Variants in NECTIN1 observed in about 807,000 individuals in gnomAD.
NECTIN1 encodes nectin cell adhesion molecule 1.
In NECTIN1, 23 loss-of-function variants were observed where a neutral mutation model predicts 48.0. The observed-to-expected ratio is 0.48, with a 90% CI of 0.34 to 0.68. NECTIN1 has a LOEUF of 0.68. Among genes scored for constraint, NECTIN1 ranks in the 30% least tolerant of loss-of-function variants. The pLI is 0.01. For missense variants in NECTIN1, 591 were observed against 709.9 expected (o/e 0.83, Z 1.90); for synonymous variants, 270 against 288.9 (o/e 0.93, Z 0.66).
chr11:119,698,892 G>A (rs1865387872), intron 1 of NECTIN1, among the ~76,000 whole-genome samples: 4 of 152,138 alleles, frequency 2.6e-5, no homozygotes, highest in South Asian at 4.1e-4. Flanking sequence ...ATCCCAAAGT[G>A]GGCTCCAGGC....
chr11:119,677,488 G>C lies in NECTIN1; in HGVS notation c.733+67C>G. On this transcript the variant is annotated intron_variant, in intron 3 of 5. Coordinates refer to ENST00000264025, the MANE Select transcript of NECTIN1 (RefSeq NM_002855.5). The surrounding 1 kb of genome is among the most constrained non-coding windows in gnomAD (Gnocchi z 5.4). ...CCAGAAAGAGAAAGGGAGGAGAAAG[G>C]AGAGGAGGAGGGAGGAGGGACAGTG... The C allele has an allele frequency of 1.3e-6, 2 of 1,535,222 alleles. No homozygotes were observed.
Position 119,678,341 on chromosome 11 carries a change from G to C in NECTIN1, c.430+74C>G, listed in dbSNP as rs1471687133. Reference sequence around the variant, plus strand: ...CAAGGGGGATGTCTGGGGTCATTGAGGCATCCTGAGGATGGCCACGCCCCG... The same window carrying C: ...CAAGGGGGATGTCTGGGGTCATTGACGCATCCTGAGGATGGCCACGCCCCG... On this transcript the variant is annotated intron_variant, in intron 2 of 5. Transcript: ENST00000264025. The surrounding 1 kb of genome is among the most constrained non-coding windows in gnomAD (Gnocchi z 4.4). 40 of 1,354,352 alleles carry C rather than the reference G, an allele frequency of 3.0e-5. 1 individual carries two copies. The South Asian group carries it at 3.3e-4, about 11-fold the overall frequency. The allele number at this position is 1,354,352 out of a possible 1,614,324, so 83.9% of individuals were successfully genotyped here. A position where few individuals can be genotyped will look rare whatever the true frequency, so the allele number is the denominator to read the frequency against.
chr11:119,641,180 C>A (rs771504344), intron 5 of NECTIN1: 1 of 152,226 alleles, frequency 6.6e-6, no homozygotes, highest in Non-Finnish European at 1.5e-5. Context: ...GCCCCAGCAT[C>A]CATCCATCCA....
At position 119,677,889 on chromosome 11, in the gene NECTIN1, G is replaced by A; in HGVS notation, c.431-32C>T. 1 of 1,606,444 alleles carries A rather than the reference G, an allele frequency of 6.2e-7. No individual in the cohort carries two copies. Among genetic ancestry groups the A allele is most frequent in the South Asian group, 1.1e-5 (1 of 90,888 alleles). On this transcript the variant is annotated intron_variant, in intron 2 of 5. Transcript: ENST00000264025. The surrounding 1 kb of genome is among the most constrained non-coding windows in gnomAD (Gnocchi z 5.4). ...GGAAGCAGAGAGAGTGATGGGACTA[G>A]CCCTGTTGACTTGTCCAAGATGCAC...
chr11:119,725,579 T>C (rs139829872), intron 1 of NECTIN1, among the ~76,000 whole-genome samples: 6 of 152,312 alleles, frequency 3.9e-5, no homozygotes, highest in African/African-American at 1.4e-4. Context: ...TTTGCCATAA[T>C]GCCTTGCCCA....
chr11:119,717,840 A>T (rs764954225), intron 1 of NECTIN1, among the ~76,000 whole-genome samples: 5 of 152,158 alleles, frequency 3.3e-5, no homozygotes, highest in Non-Finnish European at 7.4e-5. Context: ...TCCGGCTTGG[A>T]TGGGAGTCAG....
At position 119,673,679 on chromosome 11, in the gene NECTIN1, G is replaced by T. The variant is rs1217057346; in HGVS notation, c.1003+1480C>A. On this transcript the variant is annotated intron_variant, in intron 5 of 5. Transcript: ENST00000264025. The surrounding 1 kb of genome is among the most constrained non-coding windows in gnomAD (Gnocchi z 5.8). ...CAGTGCCTCCCTGAGGGGTGGTCAT[G>T]TTCCCTATGGCCACTCCACATGGAA... 6.6e-6 allele frequency among the ~76,000 whole-genome samples: 1 copy of T among 152,158 alleles called. No homozygotes were observed. The highest frequency in any genetic ancestry group is 1.5e-5 in the Non-Finnish European group (1 of 68,022).
At chr11:119,692,905 A>G (rs1591470133) in intron 1 of NECTIN1, among the ~76,000 whole-genome samples, 1 of 152,118 alleles carries the variant, frequency 6.6e-6, no homozygotes, top group Non-Finnish European at 1.5e-5. Context: ...TCTGAACCAG[A>G]CCTGGGTGAG....
At chr11:119,695,097 TC>T (rs777547340) in intron 1 of NECTIN1, among the ~76,000 whole-genome samples, 11 of 152,110 alleles carry the variant, frequency 7.2e-5, no homozygotes, top group Admixed American at 4.6e-4. Flanking sequence ...GTAATCCGTC[TC>T]CCCAGTATGC....
chr11:119,649,302 A>C (rs1028759813), intron 5 of NECTIN1, among the ~76,000 whole-genome samples: 6 of 151,606 alleles, frequency 4.0e-5, no homozygotes, highest in African/African-American at 1.5e-4. Context: ...AATCACTTGA[A>C]CCCAGGAGGC....
Position 119,675,310 on chromosome 11 carries a change from C to T in NECTIN1, c.852G>A (p.Thr284=). 6.2e-7 allele frequency: 1 copy of T among 1,614,110 alleles called. No homozygotes were observed. ...CACCCTTGGGGAGAGAGCCATTTAG[C>T]CTGTGGGAAGTGGGAGACACAGCGT... ...NPPATEYHWT[T]LNGSLPKGVE... Residue 284 remains threonine (T), a splice_region_variant and synonymous_variant, in exon 5 of 6, where the codon ACG becomes ACA. Coordinates refer to ENST00000264025, the MANE Select transcript of NECTIN1 (RefSeq NM_002855.5).
Position 119,673,506 on chromosome 11 carries a change from G to A in NECTIN1, c.1003+1653C>T, listed in dbSNP as rs910191583. ...ACCACGCAGGGAGTACTGCATGATC[G>A]TAAGAAGCCTGAGACAAGTGTGAGT... On this transcript the variant is annotated intron_variant, in intron 5 of 5. Coordinates refer to ENST00000264025, the MANE Select transcript of NECTIN1 (RefSeq NM_002855.5). This position sits in a 1 kb window ranked among gnomAD's most constrained non-coding sequence, Gnocchi z 5.8. Among the ~76,000 whole-genome samples, 1 of 152,154 alleles carries A rather than the reference G, an allele frequency of 6.6e-6. No homozygotes were observed. The highest frequency in any genetic ancestry group is 1.5e-5 in the Non-Finnish European group (1 of 68,020).
intron 1 of NECTIN1, among the ~76,000 whole-genome samples, chr11:119,686,789 C>T (rs1210676794): frequency 6.6e-6 from 1 of 152,216 alleles, no homozygotes; most frequent in East Asian, 1.9e-4. Flanking sequence ...CTCCTCTTCC[C>T]ACCTTCATGG....
chr11:119,681,696 G>T (rs1274227335), intron 1 of NECTIN1, among the ~76,000 whole-genome samples: 1 of 152,182 alleles, frequency 6.6e-6, no homozygotes, highest in East Asian at 1.9e-4. Flanking sequence ...TTGGGGTGGA[G>T]GTTGCTCTTT....
chr11:119,650,583 C>G (rs1864476253), intron 5 of NECTIN1, among the ~76,000 whole-genome samples: 1 of 152,186 alleles, frequency 6.6e-6, no homozygotes, highest in Non-Finnish European at 1.5e-5. Flanking sequence ...TTCCCTGATG[C>G]CAGGGCATAT....
At chr11:119,711,245 C>T (rs1865639873) in intron 1 of NECTIN1, among the ~76,000 whole-genome samples, 1 of 152,126 alleles carries the variant, frequency 6.6e-6, no homozygotes, top group African/African-American at 2.4e-5. Flanking sequence ...CAAAAATTAG[C>T]CAGGCGTGGT....
intron 1 of NECTIN1, among the ~76,000 whole-genome samples, chr11:119,701,997 T>G (rs1403089474): frequency 6.6e-6 from 1 of 152,212 alleles, no homozygotes; most frequent in Non-Finnish European, 1.5e-5. Context: ...TGACGTTGAC[T>G]CATTCTGTCA....
chr11:119,654,584 T>A (rs1278080844), intron 5 of NECTIN1, among the ~76,000 whole-genome samples: 2 of 152,190 alleles, frequency 1.3e-5, no homozygotes, highest in East Asian at 1.9e-4. Context: ...ACCTTTTTTT[T>A]TTTTTGAGAT....
downstream of NECTIN1, chr11:119,660,896 C>G (rs1864651763): frequency 1.5e-6 from 1 of 651,766 alleles, no homozygotes; most frequent in South Asian, 6.8e-5. Flanking sequence ...GTGGGGGGTC[C>G]CTTCCCCTCA....
Sources: gnomAD v4.1 joint callset for allele counts (sites outside exome capture counted in the v4.1 genomes callset) on GRCh38, gnomAD v4.1.1 for gene constraint, Gnocchi (gnomAD v3.1) non-coding constraint, MANE v1.5 for transcripts, NCBI Gene and HGNC (gene_info 2026-07-23, HGNC 2026-07-21) for gene names.